The following TENM4 variants were observed in gnomAD, a reference collection of about 807,000 sequenced individuals.
TENM4 encodes the protein teneurin transmembrane protein 4.
A neutral mutation model predicts 243.3 loss-of-function variants in TENM4; 82 were observed. That is an observed-to-expected ratio of 0.34 (90% confidence interval 0.28 to 0.40). The LOEUF (loss-of-function observed/expected upper bound fraction) is 0.40, where lower values mean the gene tolerates loss of function less well. TENM4 is among the 10% of genes least tolerant of loss of function. TENM4 has a pLI of 1.00. For missense variants in TENM4, 3,138 were observed against 3,673.3 expected (o/e 0.85, Z 3.77); for synonymous variants, 1,412 against 1,456.3 (o/e 0.97, Z 0.69).
At chr11:79,266,875 T>C (rs572954660) in intron 2 of TENM4, among the ~76,000 whole-genome samples, 1 of 152,340 alleles carries the variant, frequency 6.6e-6, no homozygotes, top group African/African-American at 2.4e-5. Flanking sequence ...TGCCCTTCAG[T>C]ACCACAGAGT....
intron 4 of TENM4, among the ~76,000 whole-genome samples, chr11:79,121,360 T>C (rs964447445): frequency 1.3e-5 from 2 of 152,164 alleles, no homozygotes; most frequent in African/African-American, 4.8e-5. Context: ...AAATGCTGTC[T>C]TTTTGTATAA....
intron 18 of TENM4, among the ~76,000 whole-genome samples, chr11:78,769,766 C>G (rs79514428): frequency 6.6e-6 from 1 of 152,232 alleles, no homozygotes; most frequent in African/African-American, 2.4e-5. Flanking sequence ...CCAATTACCT[C>G]CTGGATTTAG....
chr11:78,997,929 C>T (rs1268482559), intron 6 of TENM4, among the ~76,000 whole-genome samples: 1 of 152,176 alleles, frequency 6.6e-6, no homozygotes, highest in African/African-American at 2.4e-5. Flanking sequence ...AGTCTTCTCT[C>T]TCTCTTCTCT....
chr11:79,081,158 A>G (rs1860660811), intron 4 of TENM4, among the ~76,000 whole-genome samples: 1 of 152,240 alleles, frequency 6.6e-6, no homozygotes, highest in South Asian at 2.1e-4. Flanking sequence ...TGAACACAAC[A>G]GCTGGAGGAA....
At chr11:79,202,398 G>A (rs1863757045) in intron 3 of TENM4, among the ~76,000 whole-genome samples, 1 of 152,128 alleles carries the variant, frequency 6.6e-6, no homozygotes, top group Non-Finnish European at 1.5e-5. Flanking sequence ...CCTATACAAT[G>A]TCTGGGTGTG....
intron 6 of TENM4, among the ~76,000 whole-genome samples, chr11:78,905,016 G>T (rs1303137733): frequency 6.6e-6 from 1 of 152,200 alleles, no homozygotes; most frequent in Non-Finnish European, 1.5e-5. Flanking sequence ...GCATGGACAA[G>T]TCATTTAACC....
chr11:78,763,754 T>C (rs946930522), intron 18 of TENM4, among the ~76,000 whole-genome samples: 1 of 152,206 alleles, frequency 6.6e-6, no homozygotes, highest in Non-Finnish European at 1.5e-5. Context: ...CGAGACGCAA[T>C]TTGCTCCTGT....
At chr11:79,112,198 G>A (rs78271736) in intron 4 of TENM4, among the ~76,000 whole-genome samples, 3,503 of 152,264 alleles carry the variant, frequency 0.023, 68 homozygotes, top group Middle Eastern at 0.061. Flanking sequence ...GCATATACCC[G>A]TGTCTGTAAA....
At chr11:79,426,137 T>C (rs1017011455) in intron 1 of TENM4, among the ~76,000 whole-genome samples, 11 of 152,224 alleles carry the variant, frequency 7.2e-5, no homozygotes, top group Admixed American at 3.3e-4. Flanking sequence ...CAAGGCTTTG[T>C]TCATCAGTGC....
At chr11:79,107,208 T>C (rs1861393314) in intron 4 of TENM4, among the ~76,000 whole-genome samples, 1 of 152,218 alleles carries the variant, frequency 6.6e-6, no homozygotes, top group Admixed American at 6.5e-5. Context: ...ATAATCACTA[T>C]GGCATGCTGC....
chr11:79,300,464 T>A (rs1856532682), intron 1 of TENM4, among the ~76,000 whole-genome samples: 1 of 152,208 alleles, frequency 6.6e-6, no homozygotes, highest in Non-Finnish European at 1.5e-5. Flanking sequence ...TTGTACATAT[T>A]TCTTGTAGGG....
At chr11:78,781,389 T>A (rs900277619) in intron 16 of TENM4, among the ~76,000 whole-genome samples, 1 of 152,210 alleles carries the variant, frequency 6.6e-6, no homozygotes, top group African/African-American at 2.4e-5. Context: ...TTTCTCATAC[T>A]CCTACTATGT....
At chr11:78,964,574 A>G (rs898086917) in intron 6 of TENM4, among the ~76,000 whole-genome samples, 2 of 152,346 alleles carry the variant, frequency 1.3e-5, no homozygotes, top group South Asian at 4.1e-4. Flanking sequence ...TTAAGCCAGC[A>G]TTCCCGATTC....
At chr11:79,248,351 T>A (rs1303776899) in intron 2 of TENM4, among the ~76,000 whole-genome samples, 5 of 152,100 alleles carry the variant, frequency 3.3e-5, no homozygotes, top group African/African-American at 1.2e-4. Context: ...GGCATTAGAG[T>A]GAGTGAACCC....
intron 9 of TENM4, 27 bp downstream of exon 9, chr11:78,889,758 G>A (rs151329403): frequency 3.7e-5 from 57 of 1,548,552 alleles, no homozygotes; most frequent in Non-Finnish European, 5.0e-5. Context: ...AGAGGAGCAA[G>A]GGGAGCTGGG....
intron 19 of TENM4, among the ~76,000 whole-genome samples, chr11:78,750,292 G>A (rs895501377): frequency 9.2e-5 from 14 of 152,162 alleles, no homozygotes; most frequent in African/African-American, 3.4e-4. Context: ...CTCCATTCCA[G>A]TTAAATTTAC....
chr11:79,424,131 G>C (rs1315595466), intron 1 of TENM4, among the ~76,000 whole-genome samples: 1 of 152,174 alleles, frequency 6.6e-6, no homozygotes, highest in Non-Finnish European at 1.5e-5. Context: ...TTCCAACCAG[G>C]GACGGACAAT....
intron 6 of TENM4, among the ~76,000 whole-genome samples, chr11:79,013,040 C>T (rs1015864633): frequency 3.3e-5 from 5 of 152,172 alleles, no homozygotes; most frequent in East Asian, 1.9e-4. Context: ...GACTGATACA[C>T]GAACAAGATT....
chr11:78,659,267 A>G (rs1227884071), intron 33 of TENM4, among the ~76,000 whole-genome samples: 1 of 152,234 alleles, frequency 6.6e-6, no homozygotes, highest in Non-Finnish European at 1.5e-5. Context: ...TCATTATCTC[A>G]GTGATCTTCA....
Sources: allele counts gnomAD v4.1 joint callset (sites outside exome capture counted in the v4.1 genomes callset), GRCh38; gene constraint gnomAD v4.1.1; transcripts MANE v1.5; gene names NCBI Gene and HGNC (gene_info 2026-07-23, HGNC 2026-07-21).